The following PRKG1 variants were observed in gnomAD, a reference collection of about 807,000 sequenced individuals.
PRKG1 encodes cGMP-dependent protein kinase 1.
A neutral mutation model predicts 88.1 loss-of-function variants in PRKG1; 35 were observed. The ratio of observed to expected loss-of-function variants is 0.40; its 90% CI spans 0.30 to 0.53. PRKG1 has a LOEUF of 0.53. PRKG1 is among the 20% of genes least tolerant of loss of function. The pLI is 0.59. For synonymous variants in PRKG1, 303 were observed against 292.5 expected (o/e 1.04, Z -0.37); for missense variants, 540 against 839.8 (o/e 0.64, Z 4.41).
chr10:51,812,930 G>A lies in PRKG1; in HGVS notation c.698+8240G>A, dbSNP rs535280841. Among the ~76,000 whole-genome samples, 5 of 152,124 alleles carry A rather than the reference G, an allele frequency of 3.3e-5. No homozygotes were observed. In the South Asian group the frequency reaches 1.0e-3, roughly 32 times the overall value. On this transcript the variant is annotated intron_variant, in intron 4 of 17. Transcript: ENST00000373980. ...TGTCAACTGGTCGTTGTCAACTTCC[G>A]ATGGCCAGCCACTGTGTTCTCCATC...
intron 5 of PRKG1, among the ~76,000 whole-genome samples, chr10:51,929,378 T>G (rs575721631): frequency 7.3e-6 from 1 of 137,880 alleles, no homozygotes; most frequent in Non-Finnish European, 1.5e-5. Flanking sequence ...TGAGACCAAG[T>G]CTCATTCGGT....
intron 5 of PRKG1, among the ~76,000 whole-genome samples, chr10:51,973,120 G>T (rs1390013206): frequency 6.6e-6 from 1 of 152,124 alleles, no homozygotes; most frequent in African/African-American, 2.4e-5. Context: ...TTCTGCCTAG[G>T]GGAAGGTGCA....
At position 51,533,212 on chromosome 10, in the gene PRKG1, C is replaced by T. The variant is rs1215520125; in HGVS notation, c.592+65376C>T. Among the ~76,000 whole-genome samples, 14 of 152,262 alleles carry T rather than the reference C, an allele frequency of 9.2e-5. No individual in the cohort carries two copies. The South Asian group carries it at 2.9e-3, about 32-fold the overall frequency. On this transcript the variant is annotated intron_variant, in intron 3 of 17. Transcript: ENST00000373980. ...GTTTATTAAAAGTTATTTTTAAATG[C>T]ATTTATCAAATATGGATTTTTCCTT...
intron 14 of PRKG1, among the ~76,000 whole-genome samples, chr10:52,286,784 G>T (rs990186618): frequency 1.3e-5 from 2 of 151,506 alleles, no homozygotes; most frequent in Non-Finnish European, 2.9e-5. Flanking sequence ...TGGTTAAGAA[G>T]CACACATATC....
chr10:51,477,559 A>G (rs114941088), intron 3 of PRKG1, among the ~76,000 whole-genome samples: 1,985 of 151,982 alleles, frequency 0.013, 36 homozygotes, highest in African/African-American at 0.043. Flanking sequence ...TACCTTCAAA[A>G]TTGTAAGGAC....
chr10:51,471,604 T>C (rs934625073), intron 3 of PRKG1, among the ~76,000 whole-genome samples: 1 of 151,884 alleles, frequency 6.6e-6, no homozygotes, highest in African/African-American at 2.4e-5. Flanking sequence ...AATGGAGAAG[T>C]TGAAGTTACT....
rs550101980 is a variant in PRKG1, at chr10:51,986,639, A to G, written c.763-67845A>G. On this transcript the variant is annotated intron_variant, in intron 5 of 17. Transcript: ENST00000373980. ...TGTGAAATCACCTGCTCCAACATGA[A>G]CTATGGTCTCTAGACTTGTGTTATT... Among the ~76,000 whole-genome samples, 26 of 152,276 alleles carry G rather than the reference A, an allele frequency of 1.7e-4. No individual in the cohort carries two copies. In the East Asian group the frequency reaches 5.0e-3, roughly 29 times the overall value.
chr10:50,991,292 G>T lies in PRKG1; in HGVS notation c.-87G>T. 2.8e-6 allele frequency: 4 copies of T among 1,431,678 alleles called. No homozygotes were observed. The highest frequency in any genetic ancestry group is 2.8e-6 in the Non-Finnish European group (3 of 1,089,218). 88.7% of individuals were successfully genotyped at this position (1,431,678 alleles called of 1,614,324 possible). A position where few individuals can be genotyped will look rare whatever the true frequency, so the allele number is the denominator to read the frequency against. On this transcript the variant is annotated 5_prime_UTR_variant, in exon 1 of 18. Coordinates refer to the PRKG1 transcript ENST00000401604. This position sits in a 1 kb window ranked among gnomAD's most constrained non-coding sequence, Gnocchi z 4.5. ...ATTCACTCGCTCACCCGCGCTCTCC[G>T]CTGCCGGCTGCCGTCCCAGCCGCCG... is the stretch of plus-strand genomic sequence containing the variant.
At chr10:52,264,435 A>G (rs1358588) in intron 10 of PRKG1, among the ~76,000 whole-genome samples, 6,327 of 151,346 alleles carry the variant, frequency 0.042, 501 homozygotes, top group East Asian at 0.35. Context: ...TTTGCAGAAC[A>G]TTTCACTACA....
chr10:51,261,814 C>T (rs188632118), intron 2 of PRKG1, among the ~76,000 whole-genome samples: 2 of 151,640 alleles, frequency 1.3e-5, no homozygotes, highest in African/African-American at 4.8e-5. Context: ...AAATGATCAG[C>T]AGCTACTCAG....
chr10:51,832,844 A>T, intron 4 of PRKG1, among the ~76,000 whole-genome samples: 1 of 152,184 alleles, frequency 6.6e-6, no homozygotes, highest in African/African-American at 2.4e-5. Flanking sequence ...ATATTGTCTT[A>T]TCGCACAGAT....
chr10:51,033,388 G>T (rs905357607), intron 1 of PRKG1, among the ~76,000 whole-genome samples: 1 of 152,196 alleles, frequency 6.6e-6, no homozygotes, highest in Non-Finnish European at 1.5e-5. Context: ...GAGAGGAAAG[G>T]TAAATGCTGT....
At chr10:51,466,354 TG>T (rs1197319214) in intron 2 of PRKG1, among the ~76,000 whole-genome samples, 1 of 152,078 alleles carries the variant, frequency 6.6e-6, no homozygotes, top group African/African-American at 2.4e-5. Context: ...CCTTTTGAGT[TG>T]TTGAATTTGT....
intron 3 of PRKG1, among the ~76,000 whole-genome samples, chr10:51,544,720 G>C (rs1842403257): frequency 6.6e-6 from 1 of 152,046 alleles, no homozygotes; most frequent in African/African-American, 2.4e-5. Context: ...AGCACCTGTT[G>C]TTTCCTGACA....
chr10:51,154,556 T>C (rs1380558603), intron 2 of PRKG1, among the ~76,000 whole-genome samples: 2 of 152,036 alleles, frequency 1.3e-5, no homozygotes, highest in Admixed American at 6.6e-5. Context: ...ATAAGTATTA[T>C]TTCTATTAAA....
intron 5 of PRKG1, among the ~76,000 whole-genome samples, chr10:51,931,329 G>C (rs1481856377): frequency 6.6e-6 from 1 of 152,152 alleles, no homozygotes; most frequent in East Asian, 1.9e-4. Context: ...TAAAATGCTA[G>C]AGGACTGGGT....
At chr10:51,671,592 T>TCTCTC (rs1564600015) in intron 3 of PRKG1, among the ~76,000 whole-genome samples, 161 of 144,382 alleles carry the variant, frequency 1.1e-3, no homozygotes, top group African/African-American at 3.9e-3. Flanking sequence ...CTCTCTCTCT[T>TCTCTC]TTTTTTTTTT....
At chr10:51,646,435 TTA>T (rs1243922318) in intron 3 of PRKG1, among the ~76,000 whole-genome samples, 2 of 152,186 alleles carry the variant, frequency 1.3e-5, no homozygotes, top group African/African-American at 4.8e-5. Context: ...TCGCATTTTT[TTA>T]TCTTACATCA....
At position 51,667,579 on chromosome 10, in the gene PRKG1, A is replaced by T. The variant is rs562572772; in HGVS notation, c.593-137006A>T. Among the ~76,000 whole-genome samples, 106 of 151,956 alleles carry T rather than the reference A, an allele frequency of 7.0e-4. 2 individuals are homozygous for T. The South Asian group carries it at 0.021, about 30-fold the overall frequency. On this transcript the variant is annotated intron_variant, in intron 3 of 17. Coordinates refer to ENST00000373980, the MANE Select transcript of PRKG1 (RefSeq NM_006258.4). ...TACAAACCATATTTTTAAAGCTCAC[A>T]TTTTTTTTAAAGGGTTCCGGGGACT...
Sources: gnomAD v4.1 joint callset for allele counts (sites outside exome capture counted in the v4.1 genomes callset) on GRCh38, gnomAD v4.1.1 for gene constraint, Gnocchi (gnomAD v3.1) non-coding constraint, MANE v1.5 for transcripts, NCBI Gene and HGNC (gene_info 2026-07-23, HGNC 2026-07-21) for gene names.